DLGAP2: variants seen among roughly 807,000 people sequenced by gnomAD.
The protein encoded by DLGAP2 is disks large-associated protein 2.
A neutral mutation model predicts 100.3 loss-of-function variants in DLGAP2; 26 were observed. That is an observed-to-expected ratio of 0.26 (90% CI 0.19 to 0.36). The LOEUF is 0.36. Ranked by LOEUF, DLGAP2 falls within the 10% of genes least tolerant of loss-of-function variation. DLGAP2 has a pLI of 1.00. For missense variants in DLGAP2, 1,858 were observed against 1,453.2 expected, an observed-to-expected ratio of 1.28 and a Z score of -4.53; for synonymous variants, 886 against 630.1, an observed-to-expected ratio of 1.41 and a Z score of -6.08.
intron 2 of DLGAP2, among the ~76,000 whole-genome samples, chr8:1,255,076 TGTGTGTGTGTCCTCTCATCCTGCC>T (rs1799159042): frequency 1.4e-5 from 2 of 143,486 alleles, no homozygotes; most frequent in African/African-American, 5.2e-5. Context: ...GCCCGGCCGC[TGTGTGTGTGTCCTCTCATCCTGCC>T]TGGGTGCTGT....
At chr8:1,088,898 C>T (rs7834653) in intron 2 of DLGAP2, among the ~76,000 whole-genome samples, 13,677 of 82,016 alleles carry the variant, frequency 0.17, 3,351 homozygotes, top group Non-Finnish European at 0.25. Context: ...GTTCTCGCTC[C>T]CCCCGCCTCA....
At chr8:951,982 G>A (rs1307734906) in intron 2 of DLGAP2, among the ~76,000 whole-genome samples, 1 of 152,228 alleles carries the variant, frequency 6.6e-6, no homozygotes, top group Non-Finnish European at 1.5e-5. Flanking sequence ...TCCTGACTCT[G>A]GTTCCTCCAC....
intron 2 of DLGAP2, among the ~76,000 whole-genome samples, chr8:945,829 CCTCT>C (rs1225764732): frequency 6.6e-6 from 1 of 151,754 alleles, no homozygotes. Flanking sequence ...TCCATTTCCC[CCTCT>C]CTCTCTGCGT....
At chr8:1,599,688 G>C (rs1277641087) in intron 6 of DLGAP2, among the ~76,000 whole-genome samples, 1 of 152,094 alleles carries the variant, frequency 6.6e-6, no homozygotes, top group South Asian at 2.1e-4. Flanking sequence ...CAGAGACTAG[G>C]ATTGCAACTC....
chr8:1,575,431 C>T (rs936904284), intron 6 of DLGAP2, among the ~76,000 whole-genome samples: 1 of 144,106 alleles, frequency 6.9e-6, no homozygotes, highest in Non-Finnish European at 1.5e-5. Flanking sequence ...AAAGAACCAC[C>T]CTCCGTGAGA....
intron 10 of DLGAP2, among the ~76,000 whole-genome samples, chr8:1,675,402 T>C (rs1487950421): frequency 6.6e-6 from 1 of 152,196 alleles, no homozygotes; most frequent in Non-Finnish European, 1.5e-5. Context: ...TTGTGTGGAG[T>C]ACACGTGATA....
At chr8:946,407 G>A (rs1362566429) in intron 2 of DLGAP2, among the ~76,000 whole-genome samples, 3 of 152,066 alleles carry the variant, frequency 2.0e-5, no homozygotes, top group South Asian at 4.2e-4. Context: ...GGGACTACAG[G>A]CGCCCGCCAC....
At chr8:1,137,231 A>G (rs1796434445) in intron 2 of DLGAP2, 1 of 152,314 alleles carries the variant, frequency 6.6e-6, no homozygotes. Context: ...CCCTTGTTAC[A>G]AAGACACCAG....
At chr8:1,169,808 T>C (rs1472950163) in intron 2 of DLGAP2, among the ~76,000 whole-genome samples, 2 of 151,938 alleles carry the variant, frequency 1.3e-5, no homozygotes, top group African/African-American at 4.8e-5. Flanking sequence ...TTTCTAGATA[T>C]ACAATCATGT....
intron 2 of DLGAP2, among the ~76,000 whole-genome samples, chr8:1,205,999 G>C (rs932802244): frequency 6.6e-6 from 1 of 152,152 alleles, no homozygotes; most frequent in African/African-American, 2.4e-5. Context: ...GGAAACAAAA[G>C]TGAAGAGTGA....
At chr8:1,442,622 G>T (rs1310032532) in intron 3 of DLGAP2, among the ~76,000 whole-genome samples, 6 of 138,378 alleles carry the variant, frequency 4.3e-5, no homozygotes, top group East Asian at 2.3e-4. Flanking sequence ...GCATAGACCC[G>T]CCAGGCTGAT....
chr8:1,272,779 C>G (rs984644787), intron 3 of DLGAP2, among the ~76,000 whole-genome samples: 1 of 152,080 alleles, frequency 6.6e-6, no homozygotes, highest in Non-Finnish European at 1.5e-5. Flanking sequence ...ATGCAACAGA[C>G]GGCTCTCTAG....
chr8:932,741 G>C (rs937948155), intron 2 of DLGAP2, among the ~76,000 whole-genome samples: 2 of 152,102 alleles, frequency 1.3e-5, no homozygotes, highest in Admixed American at 1.3e-4. Context: ...GGAAATCAGG[G>C]TAAAGAGTAT....
intron 2 of DLGAP2, among the ~76,000 whole-genome samples, chr8:1,111,601 G>C (rs1027729973): frequency 2.0e-5 from 3 of 152,072 alleles, no homozygotes; most frequent in Admixed American, 6.5e-5. Flanking sequence ...CTTCCCCTCT[G>C]TGTGTCCATG....
intron 2 of DLGAP2, among the ~76,000 whole-genome samples, chr8:1,067,396 C>A (rs956576512): frequency 6.6e-6 from 1 of 152,216 alleles, no homozygotes. Context: ...GGAGCATCAC[C>A]TGGTGCCTGG....
intron 1 of DLGAP2, among the ~76,000 whole-genome samples, chr8:822,859 C>T (rs976254219): frequency 6.6e-6 from 1 of 152,116 alleles, no homozygotes; most frequent in Non-Finnish European, 1.5e-5. Flanking sequence ...AGGGCCATGC[C>T]CACCTCCTGC....
chr8:1,040,464 C>T (rs1476478904), intron 2 of DLGAP2, among the ~76,000 whole-genome samples: 8 of 147,536 alleles, frequency 5.4e-5, no homozygotes, highest in East Asian at 2.0e-4. Context: ...GTGGTCGTCT[C>T]GGTGTGCATG....
At chr8:1,301,145 A>G (rs1461044849) in intron 3 of DLGAP2, 1 of 152,348 alleles carries the variant, frequency 6.6e-6, no homozygotes, top group African/African-American at 2.4e-5. Context: ...GCTGTGTCCC[A>G]TGGTTAGCCA....
Position 766,668 on chromosome 8 carries a change from A to G in DLGAP2, c.18+28843A>G, listed in dbSNP as rs575125611. On this transcript the variant is annotated intron_variant, in intron 1 of 14. Transcript: ENST00000637795. Reference sequence around the variant, plus strand: ...GTCCGTTGACCAGTGGGCACCGTGCAGTCTCACAGAGGATGGTTTTCATTC... The same window carrying G: ...GTCCGTTGACCAGTGGGCACCGTGCGGTCTCACAGAGGATGGTTTTCATTC... Among the ~76,000 whole-genome samples the G allele has an allele frequency of 2.0e-5, 3 of 152,302 alleles. No individual in the cohort carries two copies. The South Asian group carries it at 6.2e-4, about 32-fold the overall frequency.
Sources: gnomAD v4.1 joint callset for allele counts (sites outside exome capture counted in the v4.1 genomes callset) on GRCh38, gnomAD v4.1.1 for gene constraint, MANE v1.5 for transcripts, NCBI Gene and HGNC (gene_info 2026-07-23, HGNC 2026-07-21) for gene names.